Variants in TP53INP1 observed in about 807,000 individuals in gnomAD.
TP53INP1 encodes the protein tumor protein p53-inducible nuclear protein 1.
In TP53INP1, 12 loss-of-function variants were observed where a neutral mutation model predicts 21.0. That is an observed-to-expected ratio of 0.57 (90% confidence interval 0.37 to 0.93). The LOEUF (loss-of-function observed/expected upper bound fraction) is 0.93. Among genes scored for constraint, TP53INP1 ranks in the 40% least tolerant of loss-of-function variants. The pLI, the probability that TP53INP1 is intolerant of heterozygous loss-of-function variation, is 0.01. For missense variants in TP53INP1, 274 were observed against 294.7 expected, an observed-to-expected ratio of 0.93 and a Z score of 0.51; for synonymous variants, 91 against 94.8, an observed-to-expected ratio of 0.96 and a Z score of 0.23.
intron 3 of TP53INP1, among the ~76,000 whole-genome samples, chr8:94,934,447 G>A (rs1230656247): frequency 6.6e-6 from 1 of 150,938 alleles, no homozygotes; most frequent in Admixed American, 6.6e-5. Flanking sequence ...GTGCAATGGC[G>A]TGATCTCAGC....
At chr8:94,948,375 C>T (rs556222345) in intron 1 of TP53INP1, among the ~76,000 whole-genome samples, 246 of 152,322 alleles carry the variant, frequency 1.6e-3, no homozygotes, top group Non-Finnish European at 2.2e-3. Flanking sequence ...GCAAAGCCCC[C>T]AGCATAGTAT....
At chr8:94,944,044 G>A (rs997526297) in intron 1 of TP53INP1, among the ~76,000 whole-genome samples, 2 of 152,218 alleles carry the variant, frequency 1.3e-5, no homozygotes, top group Non-Finnish European at 2.9e-5. Context: ...CATGCTTAGA[G>A]GGAAAAACAT....
rs1195344190 is a variant in TP53INP1 at position 94,927,807 on chromosome 8, G to A, written c.*2672C>T. 1 of 152,322 alleles carries A rather than the reference G, an allele frequency of 6.6e-6. No homozygotes were observed. The highest frequency in any genetic ancestry group is 2.4e-5 in the African/African-American group (1 of 41,344). The allele number at this position is 152,322 out of a possible 1,614,324, so 9.4% of individuals were successfully genotyped here. On this transcript the variant is annotated 3_prime_UTR_variant, in exon 4 of 4. Transcript: ENST00000342697. Reference sequence around the variant, plus strand: ...AGACTTTTTCCAAGTAACATTCTATGTTAACAGTTTAGAGCTACTAATTCA... The same window carrying A: ...AGACTTTTTCCAAGTAACATTCTATATTAACAGTTTAGAGCTACTAATTCA...
At chr8:94,931,519 G>T (rs2131315010) in intron 3 of TP53INP1, among the ~76,000 whole-genome samples, 1 of 152,148 alleles carries the variant, frequency 6.6e-6, no homozygotes, top group East Asian at 1.9e-4. Flanking sequence ...ATTTTTAAGA[G>T]TTATTTTACA....
chr8:94,947,870 A>G (rs1204278579), intron 1 of TP53INP1, among the ~76,000 whole-genome samples: 1 of 152,234 alleles, frequency 6.6e-6, no homozygotes, highest in Non-Finnish European at 1.5e-5. Flanking sequence ...GCCTTTTAAA[A>G]TTATGCTGCC....
intron 3 of TP53INP1, among the ~76,000 whole-genome samples, chr8:94,939,292 G>A (rs1821288842): frequency 6.6e-6 from 1 of 152,182 alleles, no homozygotes; most frequent in Non-Finnish European, 1.5e-5. Context: ...ATACTTAACA[G>A]AAATGCCAGT....
intron 1 of TP53INP1, among the ~76,000 whole-genome samples, chr8:94,943,547 C>T (rs116050457): frequency 6.6e-6 from 1 of 152,172 alleles, no homozygotes; most frequent in South Asian, 2.1e-4. Context: ...CCTCACTAAT[C>T]ACCACCTCTT....
chr8:94,937,302 A>G (rs558267886), intron 3 of TP53INP1, among the ~76,000 whole-genome samples: 440 of 152,148 alleles, frequency 2.9e-3, no homozygotes, highest in Non-Finnish European at 5.7e-3. Context: ...TTACCCAGGT[A>G]TGGTGGCGGG....
intron 1 of TP53INP1, among the ~76,000 whole-genome samples, chr8:94,946,595 G>A (rs1166359878): frequency 6.7e-6 from 1 of 150,282 alleles, no homozygotes; most frequent in Non-Finnish European, 1.5e-5. Context: ...TACCAGGGAG[G>A]CTGAGGTAGG....
rs1820104590 is a variant in TP53INP1 at position 94,928,605 on chromosome 8, G to C, written c.*1874C>G. 6.6e-6 allele frequency: 1 copy of C among 152,390 alleles called. No individual in the cohort carries two copies. The highest frequency in any genetic ancestry group is 2.4e-5 in the African/African-American group (1 of 41,436). 9.4% of individuals were successfully genotyped at this position (152,390 alleles called of 1,614,324 possible). ...ATAAAGGGGAAGTCAAAACGGAAGG[G>C]GCAATAAGGAGAAAGGGGGAATCTA... On this transcript the variant is annotated 3_prime_UTR_variant, in exon 4 of 4. Transcript: ENST00000342697.
chr8:94,946,696 C>CA (rs71273438), intron 1 of TP53INP1, among the ~76,000 whole-genome samples: 2,391 of 34,646 alleles, frequency 0.069, 382 homozygotes, highest in Non-Finnish European at 0.082. Flanking sequence ...GACCCTGTCT[C>CA]AAAAAAAAAA....
chr8:94,945,813 G>A (rs1046572021), intron 1 of TP53INP1, among the ~76,000 whole-genome samples: 2 of 152,204 alleles, frequency 1.3e-5, no homozygotes, highest in African/African-American at 2.4e-5. Context: ...TAGCGCTGTT[G>A]TTCTTTGAAC....
chr8:94,942,284 C>T (rs1474514212), intron 1 of TP53INP1, among the ~76,000 whole-genome samples: 1 of 152,050 alleles, frequency 6.6e-6, no homozygotes, highest in East Asian at 1.9e-4. Context: ...TCATGATCCG[C>T]CCACCTCAGC....
chr8:94,939,714 G>T, intron 3 of TP53INP1, 146 bp downstream of exon 3: 1 of 1,174,600 alleles, frequency 8.5e-7, no homozygotes, highest in Non-Finnish European at 1.2e-6. Flanking sequence ...TTATCTTACG[G>T]ACCATCTTGT....
chr8:94,940,219 A>G lies in TP53INP1; in HGVS notation c.114T>C (p.Asp38=). The change falls in exon 3 of 4, where the codon GAT becomes GAC. Residue 38 remains aspartate, a splice_region_variant and synonymous_variant. Coordinates refer to ENST00000342697, the MANE Select transcript of TP53INP1 (RefSeq NM_033285.4). ...CTTCTGCTGAGAAACCAGTGCAAGT[A>G]TCTAGATCGTAGTCCACATTGCAGT... The part of the protein sequence containing the change: ...DDEWILVDFI[D]TCTGFSAEEE... 1 of 1,604,784 alleles carries G rather than the reference A, an allele frequency of 6.2e-7. No individual in the cohort carries two copies. Among genetic ancestry groups the G allele is most frequent in the Non-Finnish European group, 8.5e-7 (1 of 1,174,784 alleles).
rs574456580 is a variant in TP53INP1, at chr8:94,927,733, A to C, written c.*2746T>G. ...TTTGAGAAACATGGCGCACTATAAA[A>C]GCTAAGAAACTCATTCACGAAGCAC... On this transcript the variant is annotated 3_prime_UTR_variant, in exon 4 of 4. Coordinates refer to ENST00000342697, the MANE Select transcript of TP53INP1 (RefSeq NM_033285.4). 78 of 152,634 alleles carry C rather than the reference A, an allele frequency of 5.1e-4. 1 individual carries two copies. Among genetic ancestry groups the C allele is most frequent in the African/African-American group, 1.8e-3 (75 of 41,578 alleles). The allele number at this position is 152,634 out of a possible 1,614,324, so 9.5% of individuals were successfully genotyped here.
At chr8:94,935,761 G>C (rs1432613574) in intron 3 of TP53INP1, among the ~76,000 whole-genome samples, 2 of 152,184 alleles carry the variant, frequency 1.3e-5, no homozygotes, top group Non-Finnish European at 2.9e-5. Flanking sequence ...AAATGCAAGG[G>C]TTGATAGAAT....
At position 94,939,860 on chromosome 8, in the gene TP53INP1, C is replaced by CTGGGACTACTTGGGCTATGTAA. The variant is rs1403473170; in HGVS notation, c.451_472dup (p.Arg158IlefsTer3). ...AGAGAGTTAAATACTTGTAACGTAC[C>CTGGGACTACTTGGGCTATGTAA]TGGGACTACTTGGGCTATGTAATTC... On this transcript the variant is annotated stop_gained and frameshift_variant and splice_region_variant, in exon 3 of 4. Transcript: ENST00000342697. LOFTEE classifies it high-confidence loss of function. The CTGGGACTACTTGGGCTATGTAA allele has an allele frequency of 6.8e-6, 11 of 1,609,780 alleles. No homozygotes were observed. Among genetic ancestry groups the CTGGGACTACTTGGGCTATGTAA allele is most frequent in the Non-Finnish European group, 9.3e-6 (11 of 1,177,330 alleles).
chr8:94,939,045 C>T (rs1011796), intron 3 of TP53INP1, among the ~76,000 whole-genome samples: 94,985 of 151,936 alleles, frequency 0.63, 30,637 homozygotes, highest in East Asian at 0.78. Flanking sequence ...GACTGTTTGC[C>T]TGGTGTGTGG....
Sources: allele counts gnomAD v4.1 joint callset (sites outside exome capture counted in the v4.1 genomes callset), GRCh38; gene constraint gnomAD v4.1.1; transcripts MANE v1.5; gene names NCBI Gene and HGNC (gene_info 2026-07-23, HGNC 2026-07-21).